Variants in MIDEAS observed in about 807,000 individuals in gnomAD.
MIDEAS encodes mitotic deacetylase-associated SANT domain protein.
A neutral mutation model predicts 102.7 loss-of-function variants in MIDEAS; 26 were observed. The ratio of observed to expected loss-of-function variants is 0.25; its 90% CI spans 0.19 to 0.35. The LOEUF (loss-of-function observed/expected upper bound fraction) is 0.35, where lower values mean the gene tolerates loss of function less well. MIDEAS is among the 10% of genes least tolerant of loss of function. The pLI is 1.00. For synonymous variants in MIDEAS, 585 were observed against 591.0 expected (o/e 0.99, Z 0.15); for missense variants, 1,231 against 1,435.6 (o/e 0.86, Z 2.30).
chr14:73,784,551 C>A (rs369611958), intron 1 of MIDEAS, among the ~76,000 whole-genome samples: 2 of 152,184 alleles, frequency 1.3e-5, no homozygotes, highest in African/African-American at 4.8e-5. Flanking sequence ...AAATTCTACA[C>A]GAACACAAAG....
intron 1 of MIDEAS, among the ~76,000 whole-genome samples, chr14:73,743,694 T>C (rs1340769872): frequency 1.3e-5 from 2 of 152,064 alleles, no homozygotes; most frequent in Admixed American, 1.3e-4. Flanking sequence ...GTGGGCCTAG[T>C]CCCTGAGATT....
intron 11 of MIDEAS, among the ~76,000 whole-genome samples, chr14:73,720,796 G>C (rs1194060746): frequency 2.6e-5 from 4 of 152,192 alleles, no homozygotes; most frequent in African/African-American, 7.2e-5. Context: ...TCTGCAGTGT[G>C]AGGAACTAAT....
rs763062304 is a variant in MIDEAS at position 73,736,985 on chromosome 14, G to A, written c.1749+13C>T. 1.2e-6 allele frequency: 2 copies of A among 1,606,488 alleles called. No homozygotes were observed. The highest frequency in any genetic ancestry group is 1.1e-5 in the South Asian group (1 of 90,918). ...CACGCGCTGGAGGTGTTTAGAAGGG[G>A]CGCCTCTCATACCTGAGCTTGAGCA... is the stretch of plus-strand genomic sequence containing the variant. On this transcript the variant is annotated intron_variant, in intron 3 of 12. Coordinates refer to ENST00000423556, the MANE Select transcript of MIDEAS (RefSeq NM_001367710.1).
At chr14:73,788,236 G>GA (rs2053837268), upstream of MIDEAS, among the ~76,000 whole-genome samples, 1 of 151,986 alleles carries the variant, frequency 6.6e-6, no homozygotes, top group African/African-American at 2.4e-5. Flanking sequence ...GCTTGTCGTG[G>GA]AAAACAGGGA....
At chr14:73,722,995 A>G in intron 9 of MIDEAS, 148 bp from the exon 10 acceptor site, 1 of 779,328 alleles carries the variant, frequency 1.3e-6, no homozygotes, top group Non-Finnish European at 2.1e-6. Context: ...CATTTTTCCA[A>G]TGCCTGCTCT....
intron 1 of MIDEAS, among the ~76,000 whole-genome samples, chr14:73,773,742 G>A (rs1042102700): frequency 2.6e-5 from 4 of 151,914 alleles, no homozygotes; most frequent in Non-Finnish European, 4.4e-5. Context: ...AAAGAGAGAG[G>A]CCAGGCGCAA....
rs2053536041 is a variant in MIDEAS at position 73,759,772 on chromosome 14, G to C, written c.-257C>G. On this transcript the variant is annotated 5_prime_UTR_variant, in exon 1 of 13. Transcript: ENST00000423556. The surrounding 1 kb of genome is among the most constrained non-coding windows in gnomAD (Gnocchi z 6.7). ...AGGCAGCCCCACTTACCCAGCTCTT[G>C]CCCGGGCTCCGGGCTCCGGGCTCGG... 1 of 151,714 alleles carries C rather than the reference G, an allele frequency of 6.6e-6. No individual in the cohort carries two copies. The highest frequency in any genetic ancestry group is 1.5e-5 in the Non-Finnish European group (1 of 67,872). The allele number at this position is 151,714 out of a possible 1,614,324, so 9.4% of individuals were successfully genotyped here.
rs1471470609 is a variant in MIDEAS, at chr14:73,718,693, GC to G, written c.*149del. 23 of 779,566 alleles carry G rather than the reference GC, an allele frequency of 3.0e-5. No homozygotes were observed. The highest frequency in any genetic ancestry group is 4.1e-5 in the Non-Finnish European group (23 of 557,236). The allele number at this position is 779,566 out of a possible 1,614,324, so 48.3% of individuals were successfully genotyped here. Reference sequence around the variant, plus strand: ...TCCCAGGGCCTTCATAAATAAAAGAGCCGTTTATGTCATTGTCTCATTTGTT... The same window carrying G: ...TCCCAGGGCCTTCATAAATAAAAGAGCGTTTATGTCATTGTCTCATTTGTT... On this transcript the variant is annotated 3_prime_UTR_variant, in exon 13 of 13. Transcript: ENST00000423556.
upstream of MIDEAS, among the ~76,000 whole-genome samples, chr14:73,789,331 C>A (rs1387512032): frequency 6.6e-6 from 1 of 152,130 alleles, no homozygotes. Flanking sequence ...CCTAAGGCAG[C>A]CTGGTAGAAA....
At chr14:73,777,059 G>A (rs2053696769) in intron 1 of MIDEAS, among the ~76,000 whole-genome samples, 1 of 142,254 alleles carries the variant, frequency 7.0e-6, no homozygotes, top group Non-Finnish European at 1.6e-5. Context: ...AACAGAGCAA[G>A]ACTGTCTCAA....
intron 3 of MIDEAS, among the ~76,000 whole-genome samples, chr14:73,730,789 C>A (rs1275630411): frequency 6.6e-6 from 1 of 151,928 alleles, no homozygotes; most frequent in Non-Finnish European, 1.5e-5. Flanking sequence ...CAAAACCCTG[C>A]CTCTACTAAA....
rs1169608749 is a variant in MIDEAS at position 73,742,599 on chromosome 14, C to T, written c.-247-2344G>A. Among the ~76,000 whole-genome samples, 2 of 152,228 alleles carry T rather than the reference C, an allele frequency of 1.3e-5. No homozygotes were observed. Among genetic ancestry groups the T allele is most frequent in the Non-Finnish European group, 2.9e-5 (2 of 68,032 alleles). On this transcript the variant is annotated intron_variant, in intron 1 of 12. Coordinates refer to ENST00000423556, the MANE Select transcript of MIDEAS (RefSeq NM_001367710.1). The surrounding 1 kb of genome is among the most constrained non-coding windows in gnomAD (Gnocchi z 4.4). ...CTGCACATCAAGGAGGGCCATCATT[C>T]AGGATACCACAGCAGCCTCTGAAGC... is the stretch of plus-strand genomic sequence containing the variant.
rs943515040 is a variant in MIDEAS, at chr14:73,738,935, G to A, written c.1074C>T (p.Ser358=). Residue 358 remains serine (S), a synonymous_variant, in exon 2 of 13, where the codon AGC becomes AGT. Transcript: ENST00000423556. The part of the protein sequence containing the change: ...RLSKEGILPP[S]ALDGAGTQPG... ...GCTGGGTGCCAGCCCCATCCAGGGC[G>A]CTGGGAGGCAGGATACCCTCCTTAG... 1.1e-5 allele frequency: 17 copies of A among 1,527,308 alleles called. No homozygotes were observed. Among genetic ancestry groups the A allele is most frequent in the South Asian group, 3.9e-5 (3 of 76,368 alleles). The allele number at this position is 1,527,308 out of a possible 1,614,324, so 94.6% of individuals were successfully genotyped here. A position where few individuals can be genotyped will look rare whatever the true frequency, so the allele number is the denominator to read the frequency against.
intron 1 of MIDEAS, among the ~76,000 whole-genome samples, chr14:73,773,552 C>G (rs190751093): frequency 2.0e-5 from 3 of 151,992 alleles, no homozygotes; most frequent in African/African-American, 4.8e-5. Flanking sequence ...GGGCCCGGAA[C>G]AAACACACAC....
In MIDEAS at chr14:73,729,879, A is replaced by G. The variant is rs1279892563; in HGVS notation, c.1856T>C (p.Ile619Thr). The G allele has an allele frequency of 6.2e-7, 1 of 1,613,606 alleles. No homozygotes were observed. Among genetic ancestry groups the G allele is most frequent in the South Asian group, 1.1e-5 (1 of 91,064 alleles). ...GATGTTGGAGTAGACGGGAGGGGCGATGAAAGTGCCCGCCTTGGTGGGGAT... is the reference window on the plus strand; with the variant it reads ...GATGTTGGAGTAGACGGGAGGGGCGGTGAAAGTGCCCGCCTTGGTGGGGAT... ...LIIPTKAGTFIAPPVYSNITP... is the reference protein window; with the variant it reads ...LIIPTKAGTFTAPPVYSNITP... The change falls in exon 4 of 13, where the codon ATC becomes ACC. Residue 619 changes from isoleucine to threonine, a missense_variant. By Grantham distance (89) the Ile-to-Thr change is moderately conservative. Coordinates refer to ENST00000423556, the MANE Select transcript of MIDEAS (RefSeq NM_001367710.1).
chr14:73,731,825 A>G (rs558352724), intron 3 of MIDEAS, among the ~76,000 whole-genome samples: 4 of 152,258 alleles, frequency 2.6e-5, no homozygotes, highest in Non-Finnish European at 4.4e-5. Flanking sequence ...GGTGATGGCT[A>G]AACACTGGCA....
At chr14:73,780,981 C>G (rs1196178158) in intron 1 of MIDEAS, among the ~76,000 whole-genome samples, 6 of 150,872 alleles carry the variant, frequency 4.0e-5, no homozygotes, top group Non-Finnish European at 1.5e-5. Flanking sequence ...CTTTTTAAAT[C>G]TTTGAGTACT....
intron 1 of MIDEAS, among the ~76,000 whole-genome samples, chr14:73,757,204 T>G (rs1189619142): frequency 3.5e-5 from 5 of 141,952 alleles, no homozygotes; most frequent in Non-Finnish European, 7.5e-5. Flanking sequence ...CCCAGGAGGC[T>G]GAGATTGCAG....
At chr14:73,727,747 C>T (rs766977587) in intron 4 of MIDEAS, 6 of 529,732 alleles carry the variant, frequency 1.1e-5, no homozygotes, top group Admixed American at 3.7e-5. Flanking sequence ...CCAAAAGGGG[C>T]TATCACTACC....
Sources: gnomAD v4.1 joint callset for allele counts (sites outside exome capture counted in the v4.1 genomes callset) on GRCh38, gnomAD v4.1.1 for gene constraint, Gnocchi (gnomAD v3.1) non-coding constraint, MANE v1.5 for transcripts, NCBI Gene and HGNC (gene_info 2026-07-23, HGNC 2026-07-21) for gene names.